PTAFR: variants seen among roughly 807,000 people sequenced by gnomAD.
PTAFR encodes the protein platelet activating factor receptor, also known as platelet-activating factor receptor.
Under a neutral mutation model 14.7 loss-of-function variants are expected in PTAFR, and 8 were observed. The ratio of observed to expected loss-of-function variants is 0.54; its 90% CI spans 0.32 to 0.98. The LOEUF (loss-of-function observed/expected upper bound fraction) is 0.98. PTAFR is among the 50% of genes least tolerant of loss of function. The pLI is 0.04. For synonymous variants in PTAFR, 156 were observed against 176.5 expected (o/e 0.88, Z 0.92); for missense variants, 337 against 451.2 (o/e 0.75, Z 2.29).
intron 1 of PTAFR, among the ~76,000 whole-genome samples, chr1:28,192,474 C>G (rs1241501049): frequency 6.7e-6 from 1 of 148,790 alleles, no homozygotes; most frequent in East Asian, 2.0e-4. Flanking sequence ...AGGAGAATCA[C>G]TTGAACCTGG....
chr1:28,162,829 CAAAAAAAAAA>C (rs529755155), intron 1 of PTAFR, among the ~76,000 whole-genome samples: 8 of 59,158 alleles, frequency 1.4e-4, no homozygotes, highest in Middle Eastern at 0.011. Context: ...ACTTTGTCTC[CAAAAAAAAAA>C]AAAAAAAAAA....
chr1:28,183,276 T>G (rs1646577336), intron 1 of PTAFR, among the ~76,000 whole-genome samples: 1 of 152,092 alleles, frequency 6.6e-6, no homozygotes, highest in African/African-American at 2.4e-5. Flanking sequence ...CCAACAACAA[T>G]GAAGATGCTG....
intron 1 of PTAFR, among the ~76,000 whole-genome samples, chr1:28,170,572 G>C (rs1019180912): frequency 2.0e-5 from 3 of 152,052 alleles, no homozygotes; most frequent in African/African-American, 7.2e-5. Flanking sequence ...AATTAGCCAG[G>C]CATGGTGGCA....
At chr1:28,173,456 CAAACA>C (rs1359176950) in intron 1 of PTAFR, among the ~76,000 whole-genome samples, 12 of 151,654 alleles carry the variant, frequency 7.9e-5, no homozygotes, top group Non-Finnish European at 1.5e-4. Context: ...AACAAACAAA[CAAACA>C]AAACAAAACA....
intron 1 of PTAFR, among the ~76,000 whole-genome samples, chr1:28,156,872 G>A (rs1646269294): frequency 6.6e-6 from 1 of 152,120 alleles, no homozygotes; most frequent in South Asian, 2.1e-4. Flanking sequence ...TGGCCTGTGT[G>A]GTGGCTGGGG....
intron 1 of PTAFR, among the ~76,000 whole-genome samples, chr1:28,161,677 AG>A (rs1251755578): frequency 1.3e-5 from 2 of 152,142 alleles, no homozygotes; most frequent in Non-Finnish European, 2.9e-5. Flanking sequence ...TGACCAGGAA[AG>A]GCTTCTTGGA....
rs192309063 is a variant in PTAFR, at chr1:28,172,993, G to C, written c.-39+3599C>G. 1.5e-3 allele frequency among the ~76,000 whole-genome samples: 226 copies of C among 151,972 alleles called. 8 individuals are homozygous for C. In the East Asian group the frequency reaches 0.032, roughly 21 times the overall value. ...GAACTGTGAAAGGTAGTGCAGGCTGGGTGCAGTGGCTCACGCCTGTAATCC... is the reference window on the plus strand; with the variant it reads ...GAACTGTGAAAGGTAGTGCAGGCTGCGTGCAGTGGCTCACGCCTGTAATCC... On this transcript the variant is annotated intron_variant, in intron 1 of 1. Coordinates refer to ENST00000373857, the MANE Select transcript of PTAFR (RefSeq NM_000952.5).
In PTAFR at chr1:28,192,541, A is replaced by G. The variant is rs1241260655; in HGVS notation, c.-39+1181T>C. On this transcript the variant is annotated intron_variant, in intron 1 of 1. Transcript: ENST00000305392. The stretch of plus-strand genomic sequence containing the variant: ...CCATTGCACTCCAGCCTGGGCAATG[A>G]GAGCAAAACTCCGTCTCAAAAAAAA... 3.5e-5 allele frequency among the ~76,000 whole-genome samples: 5 copies of G among 143,690 alleles called. No homozygotes were observed. In the Admixed American group the frequency reaches 3.5e-4, roughly 10 times the overall value. The allele number at this position is 143,690 out of a possible 152,430, so 94.3% of individuals were successfully genotyped here.
At chr1:28,162,201 G>C (rs779058388) in intron 1 of PTAFR, among the ~76,000 whole-genome samples, 1 of 152,212 alleles carries the variant, frequency 6.6e-6, no homozygotes, top group Non-Finnish European at 1.5e-5. Context: ...AGATGGTAGG[G>C]AGCAAGCGTG....
rs192068792 is a variant in PTAFR at position 28,183,505 on chromosome 1, G to A, written c.-39+10217C>T. Among the ~76,000 whole-genome samples, 157 of 152,352 alleles carry A rather than the reference G, an allele frequency of 1.0e-3. 4 individuals are homozygous for A. The East Asian group carries it at 0.02, about 20-fold the overall frequency. On this transcript the variant is annotated intron_variant, in intron 1 of 1. Transcript: ENST00000305392. ...TAGCTGGACATGGCAGTGCATGCCT[G>A]TAGTCCTAGCTACTCAGGAAGCTAA... is the stretch of plus-strand genomic sequence containing the variant.
intron 1 of PTAFR, among the ~76,000 whole-genome samples, chr1:28,184,727 C>T (rs116031352): frequency 0.023 from 3,572 of 152,282 alleles, 78 homozygotes; most frequent in Non-Finnish European, 0.04. Context: ...GCAACCTCCT[C>T]TTCCTGAGTT....
intron 1 of PTAFR, among the ~76,000 whole-genome samples, chr1:28,154,701 A>G (rs2148993897): frequency 6.6e-6 from 1 of 151,404 alleles, no homozygotes; most frequent in East Asian, 1.9e-4. Context: ...AATCCCAGCT[A>G]CTTGGGAGGC....
intron 1 of PTAFR, among the ~76,000 whole-genome samples, chr1:28,185,095 A>G (rs1470933886): frequency 6.6e-6 from 1 of 152,116 alleles, no homozygotes; most frequent in Admixed American, 6.5e-5. Flanking sequence ...CCAGGCTCTC[A>G]TCCTGCTTTC....
chr1:28,165,550 G>A (rs1048385020), intron 1 of PTAFR, among the ~76,000 whole-genome samples: 28 of 151,736 alleles, frequency 1.8e-4, no homozygotes, highest in African/African-American at 5.6e-4. Flanking sequence ...TTGAGAGGCC[G>A]AGACAGGCGG....
chr1:28,177,871 G>A (rs1403924472), upstream of PTAFR, among the ~76,000 whole-genome samples: 1 of 152,050 alleles, frequency 6.6e-6, no homozygotes, highest in Non-Finnish European at 1.5e-5. Flanking sequence ...ATGTGTGAAA[G>A]TGAGCTGGTG....
intron 1 of PTAFR, among the ~76,000 whole-genome samples, chr1:28,181,870 G>A (rs572739340): frequency 1.4e-4 from 22 of 152,298 alleles, no homozygotes; most frequent in Middle Eastern, 6.8e-3. Context: ...AGCACCTTGA[G>A]AGGCCGAAGT....
chr1:28,171,460 G>T (rs1283544428), intron 1 of PTAFR, among the ~76,000 whole-genome samples: 1 of 151,992 alleles, frequency 6.6e-6, no homozygotes, highest in Non-Finnish European at 1.5e-5. Flanking sequence ...TGATATTTGT[G>T]CCCTGACCTG....
intron 1 of PTAFR, among the ~76,000 whole-genome samples, chr1:28,169,550 G>T (rs1646429620): frequency 6.6e-6 from 1 of 152,076 alleles, no homozygotes; most frequent in African/African-American, 2.4e-5. Context: ...GACAAACCTG[G>T]GTTCAGATCT....
At position 28,149,831 on chromosome 1, in the gene PTAFR, C is replaced by A; in HGVS notation, c.*162G>T. On this transcript the variant is annotated 3_prime_UTR_variant, in exon 2 of 2. Transcript: ENST00000373857. Reference sequence around the variant, plus strand: ...ATTTGAGTTCTGGATTTTCCAACAGCCTGGCTCTGCCATCATCCCTGCCCA... The same window carrying A: ...ATTTGAGTTCTGGATTTTCCAACAGACTGGCTCTGCCATCATCCCTGCCCA... The A allele has an allele frequency of 1.1e-6, 1 of 929,750 alleles. No individual in the cohort carries two copies. Among genetic ancestry groups the A allele is most frequent in the Non-Finnish European group, 1.6e-6 (1 of 633,912 alleles). 57.6% of individuals were successfully genotyped at this position (929,750 alleles called of 1,614,324 possible).
Sources: gnomAD v4.1 joint callset for allele counts (sites outside exome capture counted in the v4.1 genomes callset) on GRCh38, gnomAD v4.1.1 for gene constraint, MANE v1.5 for transcripts, NCBI Gene and HGNC (gene_info 2026-07-23, HGNC 2026-07-21) for gene names.